The following CLMN variants were observed in gnomAD, a reference collection of about 807,000 sequenced individuals.
The protein encoded by CLMN is calmin.
CLMN carries 57 observed loss-of-function variants against 92.7 expected under a neutral mutation model. That is an observed-to-expected ratio of 0.61 (90% confidence interval 0.50 to 0.77). The LOEUF (loss-of-function observed/expected upper bound fraction) is 0.77, where lower values mean the gene tolerates loss of function less well. Among genes scored for constraint, CLMN ranks in the 30% least tolerant of loss-of-function variants. CLMN has a pLI of 0.00. For missense variants in CLMN, 1,158 were observed against 1,237.5 expected, an observed-to-expected ratio of 0.94 and a Z score of 0.96; for synonymous variants, 466 against 470.6, an observed-to-expected ratio of 0.99 and a Z score of 0.13.
At chr14:95,241,450 G>A (rs904514314) in intron 1 of CLMN, among the ~76,000 whole-genome samples, 1 of 152,092 alleles carries the variant, frequency 6.6e-6, no homozygotes, top group Non-Finnish European at 1.5e-5. Flanking sequence ...AAGGCAAGGC[G>A]GTTAATATTT....
intron 10 of CLMN, among the ~76,000 whole-genome samples, chr14:95,195,373 A>G (rs1363447162): frequency 6.6e-6 from 1 of 152,224 alleles, no homozygotes; most frequent in African/African-American, 2.4e-5. Context: ...GTCAAAGGCC[A>G]AGTGGGCAGC....
chr14:95,268,261 A>G (rs553447377), intron 1 of CLMN, among the ~76,000 whole-genome samples: 1 of 152,218 alleles, frequency 6.6e-6, no homozygotes, highest in East Asian at 1.9e-4. Flanking sequence ...ATATCAAAAT[A>G]TTGCACATAC....
At chr14:95,282,668 C>T (rs2103926) in intron 1 of CLMN, among the ~76,000 whole-genome samples, 3 of 152,210 alleles carry the variant, frequency 2.0e-5, no homozygotes, top group Admixed American at 6.5e-5. Flanking sequence ...GAGTCAAGGA[C>T]AGATCTCCAA....
chr14:95,221,700 T>C lies in CLMN; in HGVS notation c.315A>G (p.Glu105=). 2 of 1,613,796 alleles carry C rather than the reference T, an allele frequency of 1.2e-6. No individual in the cohort carries two copies. Among genetic ancestry groups the C allele is most frequent in the South Asian group, 2.2e-5 (2 of 90,986 alleles). ...AGCTTCAAACACTTACATTGCTATCTTCCAAAAACTTAAGTGCTTTCGCTA... is the reference window on the plus strand; with the variant it reads ...AGCTTCAAACACTTACATTGCTATCCTCCAAAAACTTAAGTGCTTTCGCTA... ...NNIAKALKFL[E]DSNVKLVSID... is the part of the protein sequence containing the mutation. Residue 105 remains glutamate (E), a synonymous_variant, in exon 4 of 13, where the codon GAA becomes GAG. Transcript: ENST00000298912.
Position 95,213,389 on chromosome 14 carries a change from G to A in CLMN, c.438C>T (p.Asn146=). 6.2e-7 allele frequency: 1 copy of A among 1,609,382 alleles called. No homozygotes were observed. Among genetic ancestry groups the A allele is most frequent in the Non-Finnish European group, 8.5e-7 (1 of 1,178,264 alleles). ...LFFQIKELTG[N]LSRNSPSSSL... ...TGGAAGATGGAGAGTTTCTGCTGAG[G>A]TTGCCTGTGAGCTCCTTAATCTGGA... is the stretch of plus-strand genomic sequence containing the variant. Residue 146 remains asparagine (N), a synonymous_variant, in exon 6 of 13, where the codon AAC becomes AAT. Coordinates refer to ENST00000298912, the MANE Select transcript of CLMN (RefSeq NM_024734.4).
intron 1 of CLMN, among the ~76,000 whole-genome samples, chr14:95,299,975 G>A (rs1044904905): frequency 2.0e-4 from 31 of 152,232 alleles, no homozygotes; most frequent in African/African-American, 7.5e-4. Context: ...GCAATAAAAT[G>A]TTTGACCTCA....
In CLMN at chr14:95,204,133, A is replaced by T; in HGVS notation, c.1216T>A (p.Ser406Thr). 6.2e-7 allele frequency: 1 copy of T among 1,614,116 alleles called. No homozygotes were observed. Among genetic ancestry groups the T allele is most frequent in the East Asian group, 2.2e-5 (1 of 44,888 alleles). The change falls in exon 9 of 13, where the codon TCC becomes ACC. Residue 406 changes from serine to threonine, a missense_variant. Transcript: ENST00000298912. ...TTCTCCTTTCTGGATGATAAAATGG[A>T]GGATTCTGGAGATGGCTCACTGATG... The part of the protein sequence containing the change: ...SDISEPSPES[S>T]ILSSRKENGR...
chr14:95,274,039 T>G (rs1361667852), intron 1 of CLMN, among the ~76,000 whole-genome samples: 1 of 152,244 alleles, frequency 6.6e-6, no homozygotes, highest in Non-Finnish European at 1.5e-5. Context: ...TTTACCGATG[T>G]AGTTCTCAGT....
chr14:95,215,800 G>GTT lies in CLMN; in HGVS notation c.325-69_325-68dup. 3 of 1,095,712 alleles carry GTT rather than the reference G, an allele frequency of 2.7e-6. No homozygotes were observed. In the South Asian group the frequency reaches 3.8e-5, roughly 14 times the overall value. 67.9% of individuals were successfully genotyped at this position (1,095,712 alleles called of 1,614,324 possible). ...GGAGGATAACATATGTTATTTTCTGGTTCTCTCTCTCTCTCTGTGTGTGTG... is the reference window on the plus strand; with the variant it reads ...GGAGGATAACATATGTTATTTTCTGGTTTTCTCTCTCTCTCTCTGTGTGTGTG... On this transcript the variant is annotated intron_variant, in intron 4 of 12. Transcript: ENST00000298912.
Position 95,244,436 on chromosome 14 carries a change from C to A in CLMN, c.83-14303G>T, listed in dbSNP as rs554399104. On this transcript the variant is annotated intron_variant, in intron 1 of 12. Transcript: ENST00000298912. ...GCCCGTTGAGTTTTCTCCTTATCCA[C>A]AAGACAAGCTTTGAGATACTGGAAA... 5.3e-5 allele frequency among the ~76,000 whole-genome samples: 8 copies of A among 152,322 alleles called. No individual in the cohort carries two copies. In the South Asian group the frequency reaches 1.7e-3, roughly 32 times the overall value.
At chr14:95,297,355 T>A (rs1391506959) in intron 1 of CLMN, among the ~76,000 whole-genome samples, 2 of 152,200 alleles carry the variant, frequency 1.3e-5, no homozygotes, top group African/African-American at 4.8e-5. Flanking sequence ...CTCTTTAAAA[T>A]CAGATTTATT....
rs1896718780 is a variant in CLMN, at chr14:95,196,570, A to G, written c.2636T>C (p.Phe879Ser). Residue 879 changes from phenylalanine (F) to serine (S), a missense_variant, in exon 10 of 13, where the codon TTT (phenylalanine) becomes TCT (serine). By Grantham distance (155) the Phe-to-Ser change is radical. Coordinates refer to ENST00000298912, the MANE Select transcript of CLMN (RefSeq NM_024734.4). ...KHVDHVESSL[F>S]VAPGSVQSSD... is the part of the protein sequence containing the mutation. ...GGATTGAACACTTCCTGGTGCTACA[A>G]ATAGTGAACTTTCTACGTGGTCCAC... 1 of 1,614,144 alleles carries G rather than the reference A, an allele frequency of 6.2e-7. No individual in the cohort carries two copies. Among genetic ancestry groups the G allele is most frequent in the African/African-American group, 1.3e-5 (1 of 74,952 alleles).
At chr14:95,279,676 G>A (rs1397431201) in intron 1 of CLMN, among the ~76,000 whole-genome samples, 2 of 152,214 alleles carry the variant, frequency 1.3e-5, no homozygotes, top group Non-Finnish European at 2.9e-5. Context: ...CCAGCTCCTC[G>A]GGAGGATGAG....
chr14:95,270,166 T>C (rs1037481772), intron 1 of CLMN, among the ~76,000 whole-genome samples: 1 of 152,218 alleles, frequency 6.6e-6, no homozygotes, highest in Non-Finnish European at 1.5e-5. Flanking sequence ...TGCCAAGCTA[T>C]GGTCCAGTTC....
chr14:95,288,650 T>C (rs941100265), intron 1 of CLMN, among the ~76,000 whole-genome samples: 23 of 152,214 alleles, frequency 1.5e-4, no homozygotes, highest in African/African-American at 5.5e-4. Flanking sequence ...AAAAACTGTT[T>C]GGCAGCATCC....
intron 1 of CLMN, among the ~76,000 whole-genome samples, chr14:95,252,292 T>G (rs1465026441): frequency 6.6e-6 from 1 of 152,118 alleles, no homozygotes; most frequent in East Asian, 1.9e-4. Flanking sequence ...CTGCTCCCCC[T>G]CACTGTCCCC....
At chr14:95,278,620 C>A (rs368511385) in intron 1 of CLMN, among the ~76,000 whole-genome samples, 4 of 152,162 alleles carry the variant, frequency 2.6e-5, no homozygotes, top group East Asian at 1.9e-4. Context: ...TGTTACCTGA[C>A]CTTTTTTAAT....
intron 1 of CLMN, among the ~76,000 whole-genome samples, chr14:95,239,522 A>T (rs568320283): frequency 6.6e-6 from 1 of 152,168 alleles, no homozygotes; most frequent in Non-Finnish European, 1.5e-5. Context: ...TTTTAATCCC[A>T]ATGTTTTTGT....
At chr14:95,201,368 C>T (rs1367676960) in intron 9 of CLMN, among the ~76,000 whole-genome samples, 1 of 151,584 alleles carries the variant, frequency 6.6e-6, no homozygotes, top group African/African-American at 2.4e-5. Context: ...CCCTCCCCAC[C>T]CCTCTCAAAG....
Sources: allele counts gnomAD v4.1 joint callset (sites outside exome capture counted in the v4.1 genomes callset), GRCh38; gene constraint gnomAD v4.1.1; transcripts MANE v1.5; gene names NCBI Gene and HGNC (gene_info 2026-07-23, HGNC 2026-07-21).